The following SHC3 variants were observed in gnomAD, a reference collection of about 807,000 sequenced individuals.
The protein encoded by SHC3 is SHC-transforming protein 3.
A neutral mutation model predicts 60.4 loss-of-function variants in SHC3; 15 were observed. The ratio of observed to expected loss-of-function variants is 0.25; its 90% CI spans 0.17 to 0.38. The LOEUF (loss-of-function observed/expected upper bound fraction) is 0.38. Ranked by LOEUF, SHC3 falls within the 10% of genes least tolerant of loss-of-function variation. The pLI, the probability that SHC3 is intolerant of heterozygous loss-of-function variation, is 1.00. For synonymous variants in SHC3, 294 were observed against 325.9 expected, an observed-to-expected ratio of 0.90 and a Z score of 1.05; for missense variants, 677 against 786.1, an observed-to-expected ratio of 0.86 and a Z score of 1.66.
At chr9:89,107,110 G>A (rs945306923) in intron 2 of SHC3, among the ~76,000 whole-genome samples, 4 of 152,188 alleles carry the variant, frequency 2.6e-5, no homozygotes, top group African/African-American at 7.2e-5. Context: ...ACTGTCAGGA[G>A]TGACCACTTA....
chr9:89,037,276 A>T, intron 11 of SHC3: 1 of 527,852 alleles, frequency 1.9e-6, no homozygotes, highest in African/African-American at 1.9e-5. Flanking sequence ...CAATGTTCTT[A>T]ACTCCTATTA....
intron 11 of SHC3, among the ~76,000 whole-genome samples, chr9:89,019,933 G>A (rs992153388): frequency 6.6e-6 from 1 of 152,138 alleles, no homozygotes; most frequent in African/African-American, 2.4e-5. Flanking sequence ...AGGGAGAGAA[G>A]CTGGAGGAAG....
chr9:89,157,875 G>A (rs1190023091), intron 1 of SHC3, among the ~76,000 whole-genome samples: 2 of 151,958 alleles, frequency 1.3e-5, no homozygotes, highest in African/African-American at 2.4e-5. Context: ...TCCCACCTTC[G>A]CCTACCAAAG....
chr9:89,141,858 G>A lies in SHC3; in HGVS notation c.475-29232C>T, dbSNP rs77088499. On this transcript the variant is annotated intron_variant, in intron 1 of 11. Coordinates refer to ENST00000375835, the MANE Select transcript of SHC3 (RefSeq NM_016848.6). ...AAAGGAAAAAGAGAGAGAGAAATGCGTTGTCTGCAGCAGGGTGGGGGAGGC... is the reference window on the plus strand; with the variant it reads ...AAAGGAAAAAGAGAGAGAGAAATGCATTGTCTGCAGCAGGGTGGGGGAGGC... Among the ~76,000 whole-genome samples the A allele has an allele frequency of 6.2e-3, 950 of 152,086 alleles. 9 individuals are homozygous for A. Among genetic ancestry groups the A allele is most frequent in the African/African-American group, 0.021 (881 of 41,492 alleles).
In SHC3 at chr9:89,027,559, G is replaced by A. The variant is rs188025470; in HGVS notation, c.1656+10434C>T. Among the ~76,000 whole-genome samples, 15 of 149,838 alleles carry A rather than the reference G, an allele frequency of 1.0e-4. No individual in the cohort carries two copies. The East Asian group carries it at 1.6e-3, about 16-fold the overall frequency. Reference sequence around the variant, plus strand: ...TCACAATCCCCTGACCTCGTGATCCGCCCGCCTAGGCCTCCCAAAGTGCTG... The same window carrying A: ...TCACAATCCCCTGACCTCGTGATCCACCCGCCTAGGCCTCCCAAAGTGCTG... On this transcript the variant is annotated intron_variant, in intron 11 of 11. Transcript: ENST00000375835.
intron 11 of SHC3, among the ~76,000 whole-genome samples, chr9:89,037,146 C>CTTG (rs1824595207): frequency 6.6e-6 from 1 of 151,432 alleles, no homozygotes; most frequent in African/African-American, 2.5e-5. Context: ...GCAACTGAGT[C>CTTG]TTGGCACCTG....
chr9:89,105,136 G>A (rs1445954876), intron 2 of SHC3, among the ~76,000 whole-genome samples: 1 of 152,152 alleles, frequency 6.6e-6, no homozygotes, highest in East Asian at 1.9e-4. Context: ...TCACACCACA[G>A]TGGTCAGCAA....
chr9:89,026,435 T>C (rs1231972846), intron 11 of SHC3, among the ~76,000 whole-genome samples: 1 of 152,102 alleles, frequency 6.6e-6, no homozygotes, highest in Non-Finnish European at 1.5e-5. Context: ...TTCAACCAAT[T>C]GCCAATCAGA....
At chr9:89,071,354 C>T in intron 4 of SHC3, 102 bp from the exon 5 acceptor site, 1 of 1,172,364 alleles carries the variant, frequency 8.5e-7, no homozygotes, top group Non-Finnish European at 1.3e-6. Context: ...GACATGTTTT[C>T]CTGAAAATTG....
Position 89,063,153 on chromosome 9 carries a change from C to T in SHC3, c.835+2376G>A, listed in dbSNP as rs558894949. Among the ~76,000 whole-genome samples the T allele has an allele frequency of 3.3e-5, 5 of 152,234 alleles. No homozygotes were observed. The East Asian group carries it at 5.8e-4, about 18-fold the overall frequency. ...GGCTGTGACAGCTTTTTTTTTGAGA[C>T]GGAGTCTCGCTCTGTCGCCAGGCTG... On this transcript the variant is annotated intron_variant, in intron 6 of 11. Transcript: ENST00000375835.
At chr9:89,084,524 T>G (rs1007639181) in intron 2 of SHC3, among the ~76,000 whole-genome samples, 1 of 152,228 alleles carries the variant, frequency 6.6e-6, no homozygotes, top group African/African-American at 2.4e-5. Context: ...TTTCCTTTCA[T>G]GGTTTAAGTA....
At chr9:89,076,206 C>T (rs1825355921) in intron 3 of SHC3, among the ~76,000 whole-genome samples, 1 of 152,088 alleles carries the variant, frequency 6.6e-6, no homozygotes, top group Non-Finnish European at 1.5e-5. Flanking sequence ...GTCCTAGTTC[C>T]TATAGTGGAG....
chr9:89,046,059 C>G (rs750879685), intron 8 of SHC3, among the ~76,000 whole-genome samples: 17 of 136,378 alleles, frequency 1.2e-4, no homozygotes, highest in South Asian at 1.1e-3. Context: ...CATGCCCCCC[C>G]GCTTGTTTTC....
intron 1 of SHC3, among the ~76,000 whole-genome samples, chr9:89,162,391 A>G (rs1253628495): frequency 6.6e-6 from 1 of 152,062 alleles, no homozygotes. Flanking sequence ...GTGACAAAAC[A>G]GAGATATAGA....
chr9:89,109,700 C>T lies in SHC3; in HGVS notation c.545+2856G>A, dbSNP rs140729844. Reference sequence around the variant, plus strand: ...GTGAGGAGACCACCCCCATGCACTCCAGGTTGTGATTCTCACCAACATCTT... The same window carrying T: ...GTGAGGAGACCACCCCCATGCACTCTAGGTTGTGATTCTCACCAACATCTT... On this transcript the variant is annotated intron_variant, in intron 2 of 11. Coordinates refer to ENST00000375835, the MANE Select transcript of SHC3 (RefSeq NM_016848.6). 3 of 985,478 alleles carry T rather than the reference C, an allele frequency of 3.0e-6. No individual in the cohort carries two copies. The East Asian group carries it at 3.4e-4, about 112-fold the overall frequency. 61.0% of individuals were successfully genotyped at this position (985,478 alleles called of 1,614,324 possible).
chr9:89,090,638 A>C (rs1456623158), intron 2 of SHC3, among the ~76,000 whole-genome samples: 1 of 152,172 alleles, frequency 6.6e-6, no homozygotes, highest in Non-Finnish European at 1.5e-5. Context: ...GAAATGATGA[A>C]GAGAGAGGTC....
At chr9:89,051,157 C>G (rs1194734487) in intron 7 of SHC3, among the ~76,000 whole-genome samples, 1 of 152,100 alleles carries the variant, frequency 6.6e-6, no homozygotes, top group Non-Finnish European at 1.5e-5. Context: ...GACTCTAGAA[C>G]TAAGGCATAG....
At chr9:89,081,617 C>T (rs573626561) in intron 2 of SHC3, among the ~76,000 whole-genome samples, 2 of 152,264 alleles carry the variant, frequency 1.3e-5, no homozygotes, top group South Asian at 2.1e-4. Flanking sequence ...ATCCCACCCC[C>T]CTAGTCCTTT....
In SHC3 at chr9:89,165,106, C is replaced by CA. The variant is rs35217951; in HGVS notation, c.474+12880dup. 5.9e-5 allele frequency among the ~76,000 whole-genome samples: 9 copies of CA among 151,318 alleles called. No individual in the cohort carries two copies. In the South Asian group the frequency reaches 8.4e-4, roughly 14 times the overall value. On this transcript the variant is annotated intron_variant, in intron 1 of 11. Transcript: ENST00000375835. ...CATAATTTGATTGCCAAGTGAATGC[C>CA]AAAAAAAGAGACAGAATTATAGGTA...
Sources: gnomAD v4.1 joint callset for allele counts (sites outside exome capture counted in the v4.1 genomes callset) on GRCh38, gnomAD v4.1.1 for gene constraint, MANE v1.5 for transcripts, NCBI Gene and HGNC (gene_info 2026-07-23, HGNC 2026-07-21) for gene names.